ASB3: variants seen among roughly 807,000 people sequenced by gnomAD.
ASB3 encodes ankyrin repeat and SOCS box protein 3.
A neutral mutation model predicts 54.5 loss-of-function variants in ASB3; 41 were observed. The ratio of observed to expected loss-of-function variants is 0.75; its 90% CI spans 0.59 to 0.98. The LOEUF is 0.98. Ranked by LOEUF, ASB3 falls within the 50% of genes least tolerant of loss-of-function variation. ASB3 has a pLI of 0.00. For synonymous variants in ASB3, 266 were observed against 221.2 expected (o/e 1.20, Z -1.80); for missense variants, 733 against 620.0 (o/e 1.18, Z -1.94).
intron 7 of ASB3, among the ~76,000 whole-genome samples, chr2:53,713,189 T>TATTATA (rs1465823523): frequency 8.5e-5 from 13 of 152,234 alleles, no homozygotes; most frequent in Non-Finnish European, 1.5e-5. Flanking sequence ...AGCTTAAACT[T>TATTATA]GAAACAAATT....
chr2:53,719,459 A>G (rs963398091), intron 5 of ASB3, among the ~76,000 whole-genome samples: 1 of 152,340 alleles, frequency 6.6e-6, no homozygotes, highest in South Asian at 2.1e-4. Flanking sequence ...CAAAAAAAGC[A>G]TCTCCGACCA....
chr2:53,680,519 T>C (rs1482797847), intron 9 of ASB3, among the ~76,000 whole-genome samples: 3 of 152,242 alleles, frequency 2.0e-5, no homozygotes, highest in South Asian at 2.1e-4. Context: ...TTTCATATGA[T>C]TGTTGGCTGG....
At chr2:53,674,253 C>T (rs1339198870) in intron 9 of ASB3, among the ~76,000 whole-genome samples, 1 of 152,236 alleles carries the variant, frequency 6.6e-6, no homozygotes, top group Middle Eastern at 3.4e-3. Flanking sequence ...TAGAAAATGA[C>T]GTCTGAAACC....
intron 8 of ASB3, among the ~76,000 whole-genome samples, chr2:53,699,611 C>T (rs573252128): frequency 7.9e-5 from 12 of 152,238 alleles, no homozygotes; most frequent in Admixed American, 7.8e-4. Flanking sequence ...TTCCTGAAGA[C>T]TTCCATTTTA....
At chr2:53,777,983 C>T (rs112433913) in intron 1 of ASB3, among the ~76,000 whole-genome samples, 8,579 of 151,752 alleles carry the variant, frequency 0.057, 448 homozygotes, top group East Asian at 0.28. Flanking sequence ...CCCGTCTCTA[C>T]CAAAAATACA....
chr2:53,716,841 G>T (rs1328895594), intron 5 of ASB3, 98 bp from the exon 6 acceptor site: 18 of 1,325,710 alleles, frequency 1.4e-5, no homozygotes, highest in Non-Finnish European at 1.8e-5. Context: ...TTCGTAGCAC[G>T]GTAAGCTTTT....
chr2:53,760,189 A>G (rs1673066866), intron 2 of ASB3, among the ~76,000 whole-genome samples: 1 of 152,138 alleles, frequency 6.6e-6, no homozygotes, highest in East Asian at 1.9e-4. Context: ...GAATTAGGAG[A>G]AGGAAAAAGG....
At chr2:53,776,009 T>C (rs1039814705) in intron 1 of ASB3, among the ~76,000 whole-genome samples, 10 of 152,216 alleles carry the variant, frequency 6.6e-5, no homozygotes, top group Non-Finnish European at 1.3e-4. Flanking sequence ...TTCCTGATTA[T>C]AGGTTATTTC....
At chr2:53,762,393 T>C (rs944421307) in intron 2 of ASB3, among the ~76,000 whole-genome samples, 8 of 152,282 alleles carry the variant, frequency 5.3e-5, no homozygotes, top group African/African-American at 1.9e-4. Flanking sequence ...ACCAATAAAA[T>C]GGTAGAGTCA....
chr2:53,674,235 T>C (rs1265583404), intron 9 of ASB3, among the ~76,000 whole-genome samples: 4 of 152,324 alleles, frequency 2.6e-5, no homozygotes, highest in East Asian at 3.9e-4. Flanking sequence ...ATGGCAGTGA[T>C]TGTAACCTAG....
chr2:53,765,185 C>G (rs961365897), intron 2 of ASB3, among the ~76,000 whole-genome samples, 192 bp downstream of exon 2: 1 of 152,138 alleles, frequency 6.6e-6, no homozygotes, highest in East Asian at 1.9e-4. Flanking sequence ...TATAAGATGT[C>G]CAACTAGAGT....
intron 5 of ASB3, 42 bp downstream of exon 5, chr2:53,728,670 G>C (rs749041435): frequency 2.8e-6 from 4 of 1,438,744 alleles, no homozygotes; most frequent in Non-Finnish European, 2.8e-6. Context: ...ATAGTTTAAA[G>C]CTCATGATCT....
chr2:53,730,962 TAA>T (rs1671273405), intron 3 of ASB3, among the ~76,000 whole-genome samples: 1 of 152,180 alleles, frequency 6.6e-6, no homozygotes. Context: ...AATGGGAATA[TAA>T]AAATCCTTAA....
At chr2:53,765,238 A>T in intron 2 of ASB3, 139 bp downstream of exon 2, 1 of 1,225,798 alleles carries the variant, frequency 8.2e-7, no homozygotes, top group Non-Finnish European at 1.1e-6. Flanking sequence ...TACTATCCTT[A>T]ATAAATAAAT....
At chr2:53,727,453 A>G (rs993152045) in intron 5 of ASB3, among the ~76,000 whole-genome samples, 1 of 151,846 alleles carries the variant, frequency 6.6e-6, no homozygotes, top group African/African-American at 2.4e-5. Flanking sequence ...TGGGAGATTG[A>G]GACCACATGT....
At chr2:53,720,734 C>T (rs191846709) in intron 5 of ASB3, among the ~76,000 whole-genome samples, 23 of 152,212 alleles carry the variant, frequency 1.5e-4, no homozygotes, top group Admixed American at 2.0e-4. Context: ...CCAATTGGAC[C>T]TAATACACAT....
chr2:53,775,331 A>G (rs1674255655), intron 1 of ASB3: 1 of 151,916 alleles, frequency 6.6e-6, no homozygotes, highest in South Asian at 2.1e-4. Context: ...GTCTGTCACT[A>G]TCTCAATTTG....
chr2:53,698,638 C>T (rs976286550), intron 8 of ASB3, among the ~76,000 whole-genome samples: 2 of 152,200 alleles, frequency 1.3e-5, no homozygotes, highest in African/African-American at 4.8e-5. Context: ...CAGTTCTTCA[C>T]TAATTAATAA....
intron 1 of ASB3, among the ~76,000 whole-genome samples, chr2:53,785,272 G>C (rs1447894162): frequency 3.3e-5 from 5 of 152,080 alleles, no homozygotes; most frequent in African/African-American, 1.2e-4. Flanking sequence ...ACTTATTTAA[G>C]TTCCCCTCTT....
Sources: allele counts gnomAD v4.1 joint callset (sites outside exome capture counted in the v4.1 genomes callset), GRCh38; gene constraint gnomAD v4.1.1; transcripts MANE v1.5; gene names NCBI Gene and HGNC (gene_info 2026-07-23, HGNC 2026-07-21).